DACH2: variants seen among roughly 807,000 people sequenced by gnomAD.
DACH2 encodes the protein dachshund family transcription factor 2.
Under a neutral mutation model 35.8 loss-of-function variants are expected in DACH2, and 17 were observed. That is an observed-to-expected ratio of 0.48 (90% confidence interval 0.33 to 0.71). DACH2 has a LOEUF of 0.71. Ranked by LOEUF, DACH2 falls within the 30% of genes least tolerant of loss-of-function variation. DACH2 has a pLI of 0.02. For missense variants in DACH2, 469 were observed against 472.7 expected (o/e 0.99, Z 0.07); for synonymous variants, 195 against 177.3 (o/e 1.10, Z -0.79).
intron 3 of DACH2, among the ~76,000 whole-genome samples, chrX:86,639,504 G>C (rs1035999014): frequency 9.0e-6 from 1 of 111,599 alleles, no homozygotes; most frequent in Non-Finnish European, 1.9e-5. Flanking sequence ...CTGCAAAGTG[G>C]AGGTTAGACT....
rs745437351 is a variant in DACH2, at chrX:86,410,471, C to A, written c.527+33609C>A. 4.5e-5 allele frequency among the ~76,000 whole-genome samples: 5 copies of A among 111,758 alleles called. No individual in the cohort carries two copies. The East Asian group carries it at 1.4e-3, about 32-fold the overall frequency. ...CTTGTGAATTTTAATTGGAAACAAA[C>A]AGCTGTTCCTAGTTGGAACTAACTA... On this transcript the variant is annotated intron_variant, in intron 2 of 11. Transcript: ENST00000373125.
At chrX:86,636,952 A>G (rs1410940590) in intron 3 of DACH2, among the ~76,000 whole-genome samples, 1 of 104,915 alleles carries the variant, frequency 9.5e-6, no homozygotes, top group African/African-American at 3.5e-5. Context: ...ATTTTTTCAA[A>G]GTATACCTGT....
In DACH2 at chrX:86,816,095, G is replaced by T; in HGVS notation, c.1746G>T (p.Met582Ile). The stretch of plus-strand genomic sequence containing the variant: ...GGACTCCTCATGATAGTGCTGCTAT[G>T]CAAGGTACAGTCAACTGAAAACTTC... The part of the protein sequence containing the change: ...NNGTPHDSAA[M>I]QGGNYYCLEM... Residue 582 changes from methionine (M) to isoleucine (I), a missense_variant, in exon 11 of 12, where the codon ATG becomes ATT. Met to Ile is a conservative substitution (Grantham distance 10, BLOSUM62 1). Coordinates refer to ENST00000373125, the MANE Select transcript of DACH2 (RefSeq NM_053281.3). 1 of 1,165,952 alleles carries T rather than the reference G, an allele frequency of 8.6e-7. No homozygotes were observed. The highest frequency in any genetic ancestry group is 1.1e-6 in the Non-Finnish European group (1 of 871,051).
At chrX:86,563,308 C>G (rs2039250809) in intron 3 of DACH2, among the ~76,000 whole-genome samples, 1 of 109,199 alleles carries the variant, frequency 9.2e-6, no homozygotes, top group African/African-American at 3.3e-5. Flanking sequence ...AGACATATCA[C>G]AGTTATTTTT....
At chrX:86,667,297 G>A (rs868220118) in intron 4 of DACH2, among the ~76,000 whole-genome samples, 2 of 52,356 alleles carry the variant, frequency 3.8e-5, no homozygotes, top group African/African-American at 8.0e-5. Context: ...AAGGAAGGAA[G>A]GAAGGAAAGA....
intron 3 of DACH2, among the ~76,000 whole-genome samples, chrX:86,631,561 T>C (rs1301573063): frequency 8.9e-6 from 1 of 112,109 alleles, no homozygotes; most frequent in African/African-American, 3.2e-5. Context: ...GATATTATCA[T>C]TTGCAATGCC....
intron 3 of DACH2, among the ~76,000 whole-genome samples, chrX:86,530,866 A>G (rs2038709076): frequency 9.0e-6 from 1 of 111,651 alleles, no homozygotes; most frequent in Non-Finnish European, 1.9e-5. Flanking sequence ...AATTGCTGAT[A>G]GTGATAAGGA....
chrX:86,648,152 A>G (rs1421053946), intron 3 of DACH2, among the ~76,000 whole-genome samples: 1 of 111,645 alleles, frequency 9.0e-6, no homozygotes, highest in Non-Finnish European at 1.9e-5. Context: ...AACATAATGT[A>G]AATGTGTTAT....
chrX:86,314,159 C>G (rs1469556953), intron 1 of DACH2, among the ~76,000 whole-genome samples: 2 of 110,259 alleles, frequency 1.8e-5, no homozygotes, highest in Non-Finnish European at 1.9e-5. Flanking sequence ...CAATTAATGA[C>G]CCAACAATGG....
In DACH2 at chrX:86,535,951, C is replaced by T. The variant is rs763001293; in HGVS notation, c.640+21560C>T. ...TTTTATCTACCTTATGACCTTGCAGCGGCACGGCAAAGGAGACAGGATCTC... is the reference window on the plus strand; with the variant it reads ...TTTTATCTACCTTATGACCTTGCAGTGGCACGGCAAAGGAGACAGGATCTC... On this transcript the variant is annotated intron_variant, in intron 3 of 11. Transcript: ENST00000373125. 3.6e-5 allele frequency among the ~76,000 whole-genome samples: 4 copies of T among 111,041 alleles called. No individual in the cohort carries two copies. In the East Asian group the frequency reaches 1.1e-3, roughly 32 times the overall value.
Position 86,832,093 on chromosome X carries a change from CT to C in DACH2, c.1751-4del, listed in dbSNP as rs753870016. 1.8e-4 allele frequency: 194 copies of C among 1,097,709 alleles called. No homozygotes were observed. Among genetic ancestry groups the C allele is most frequent in the South Asian group, 3.2e-4 (16 of 50,327 alleles). 90.5% of individuals were successfully genotyped at this position (1,097,709 alleles called of 1,213,427 possible). A position where few individuals can be genotyped will look rare whatever the true frequency, so the allele number is the denominator to read the frequency against. ...CTCTTCATAAGAACTAACTTGTTTT[CT>C]TTTTTTTTAAGGAGGTAACTATTAC... is the stretch of plus-strand genomic sequence containing the variant. On this transcript the variant is annotated splice_polypyrimidine_tract_variant and intron_variant, in intron 11 of 11. Coordinates refer to ENST00000373125, the MANE Select transcript of DACH2 (RefSeq NM_053281.3).
chrX:86,369,399 G>A (rs1433961635), intron 1 of DACH2, among the ~76,000 whole-genome samples: 1 of 110,337 alleles, frequency 9.1e-6, no homozygotes, highest in Non-Finnish European at 1.9e-5. Flanking sequence ...GAATATAAGG[G>A]ATTTAATGGA....
At chrX:86,756,484 T>A (rs187051237) in intron 7 of DACH2, among the ~76,000 whole-genome samples, 83 of 110,009 alleles carry the variant, frequency 7.5e-4, no homozygotes, top group Non-Finnish European at 9.5e-4. Context: ...TTTTTTTTTT[T>A]TTTTATTTTT....
At chrX:86,334,550 TG>T (rs1297142930) in intron 1 of DACH2, among the ~76,000 whole-genome samples, 2 of 112,684 alleles carry the variant, frequency 1.8e-5, no homozygotes, top group African/African-American at 6.4e-5. Context: ...ACTGCATAAA[TG>T]TCTTCTTATG....
chrX:86,821,227 A>C lies in DACH2; in HGVS notation c.1750+5128A>C, dbSNP rs933681522. ...TGCCCGGTACTGTGTTGGAAGATAT[A>C]CACAGGTACTCTGATGTTCCCATTG... On this transcript the variant is annotated intron_variant, in intron 11 of 11. Transcript: ENST00000373125. Among the ~76,000 whole-genome samples, 5 of 111,190 alleles carry C rather than the reference A, an allele frequency of 4.5e-5. No homozygotes were observed. In the South Asian group the frequency reaches 1.9e-3, roughly 42 times the overall value.
rs182420008 is a variant in DACH2, at chrX:86,668,510, G to A, written c.772+17343G>A. On this transcript the variant is annotated intron_variant, in intron 4 of 11. Coordinates refer to ENST00000373125, the MANE Select transcript of DACH2 (RefSeq NM_053281.3). The stretch of plus-strand genomic sequence containing the variant: ...TTCATTTTTCCCCTATCTTCTTACA[G>A]CAGCATTAATGGAAATGTATTTTGT... Among the ~76,000 whole-genome samples the A allele has an allele frequency of 2.3e-4, 26 of 111,882 alleles. 1 individual carries two copies. In the East Asian group the frequency reaches 6.7e-3, roughly 29 times the overall value.
intron 1 of DACH2, 34 bp from the exon 2 acceptor site, chrX:86,376,790 T>C (rs1226893829): frequency 9.9e-6 from 11 of 1,108,284 alleles, no homozygotes; most frequent in Non-Finnish European, 1.3e-5. Context: ...TAACCAGTTT[T>C]ATTTATTTAT....
intron 1 of DACH2, among the ~76,000 whole-genome samples, chrX:86,343,073 C>A (rs1387644045): frequency 1.8e-5 from 2 of 111,927 alleles, no homozygotes; most frequent in Non-Finnish European, 3.8e-5. Context: ...CTTTTGCATG[C>A]ACTGGGCAAC....
chrX:86,624,152 T>C (rs2040106049), intron 3 of DACH2, among the ~76,000 whole-genome samples: 1 of 110,225 alleles, frequency 9.1e-6, no homozygotes, highest in Non-Finnish European at 1.9e-5. Flanking sequence ...TGTATAACTC[T>C]GAAGTAATGC....
Sources: allele counts gnomAD v4.1 joint callset (sites outside exome capture counted in the v4.1 genomes callset), GRCh38; gene constraint gnomAD v4.1.1; transcripts MANE v1.5; gene names NCBI Gene and HGNC (gene_info 2026-07-23, HGNC 2026-07-21).